The following NRXN3 variants were observed in gnomAD, a reference collection of about 807,000 sequenced individuals.
The protein encoded by NRXN3 is neurexin III.
Under a neutral mutation model 137.6 loss-of-function variants are expected in NRXN3, and 32 were observed. The observed-to-expected ratio is 0.23, with a 90% CI of 0.18 to 0.31. The LOEUF is 0.31. Ranked by LOEUF, NRXN3 falls within the 10% of genes least tolerant of loss-of-function variation. The pLI is 1.00. For synonymous variants in NRXN3, 798 were observed against 784.5 expected (o/e 1.02, Z -0.29); for missense variants, 1,574 against 2,062.5 (o/e 0.76, Z 4.59).
chr14:79,511,810 T>TA (rs2096935143), intron 16 of NRXN3, among the ~76,000 whole-genome samples: 1 of 152,216 alleles, frequency 6.6e-6, no homozygotes, highest in South Asian at 2.1e-4. Flanking sequence ...AAATAAGTGT[T>TA]AAAAAACATT....
At chr14:78,239,096 A>G (rs2153449678) in intron 1 of NRXN3, among the ~76,000 whole-genome samples, 1 of 152,348 alleles carries the variant, frequency 6.6e-6, no homozygotes, top group South Asian at 2.1e-4. Flanking sequence ...ACAGAAGTCA[A>G]ATAATCCACA....
intron 1 of NRXN3, among the ~76,000 whole-genome samples, chr14:78,179,263 C>G (rs1406362379): frequency 6.6e-6 from 1 of 151,932 alleles, no homozygotes; most frequent in Non-Finnish European, 1.5e-5. Context: ...TGAGCGGGAT[C>G]CCCCAGGCTG....
chr14:79,204,929 C>T (rs972991570), intron 15 of NRXN3, among the ~76,000 whole-genome samples: 1 of 152,150 alleles, frequency 6.6e-6, no homozygotes, highest in African/African-American at 2.4e-5. Flanking sequence ...TGGTTGCTTC[C>T]TTCTGGCAAT....
chr14:78,956,303 G>A (rs969263910), intron 10 of NRXN3, among the ~76,000 whole-genome samples: 3 of 152,056 alleles, frequency 2.0e-5, no homozygotes, highest in Non-Finnish European at 4.4e-5. Flanking sequence ...GATCAATAAC[G>A]ATATACATCC....
At chr14:79,109,918 G>C (rs1225786080) in intron 15 of NRXN3, among the ~76,000 whole-genome samples, 1 of 151,816 alleles carries the variant, frequency 6.6e-6, no homozygotes, top group African/African-American at 2.4e-5. Context: ...TAATAATAAG[G>C]TATAAAAAGT....
intron 16 of NRXN3, among the ~76,000 whole-genome samples, chr14:79,470,919 T>TGTGTGTGA (rs1555467278): frequency 1.5e-5 from 2 of 131,410 alleles, no homozygotes; most frequent in African/African-American, 6.6e-5. Flanking sequence ...TGTGTGTGTG[T>TGTGTGTGA]GAGAGAGAGA....
chr14:79,796,494 T>C (rs1396769732), intron 19 of NRXN3, among the ~76,000 whole-genome samples: 1 of 152,052 alleles, frequency 6.6e-6, no homozygotes, highest in Non-Finnish European at 1.5e-5. Flanking sequence ...CTTCCCTTTT[T>C]GAGCAAATAG....
intron 19 of NRXN3, among the ~76,000 whole-genome samples, chr14:79,703,992 C>T (rs776640179): frequency 6.6e-6 from 1 of 152,022 alleles, no homozygotes; most frequent in Non-Finnish European, 1.5e-5. Context: ...TTTGTTTATA[C>T]TCATACAAAC....
intron 15 of NRXN3, among the ~76,000 whole-genome samples, chr14:79,235,255 C>G (rs758027816): frequency 1.3e-4 from 20 of 152,074 alleles, no homozygotes; most frequent in Non-Finnish European, 2.6e-4. Context: ...AACATAAAAA[C>G]TATGTGACAG....
At chr14:78,734,852 A>G (rs1249940286) in intron 8 of NRXN3, among the ~76,000 whole-genome samples, 2 of 152,190 alleles carry the variant, frequency 1.3e-5, no homozygotes, top group Non-Finnish European at 2.9e-5. Flanking sequence ...GAGAGGGAAG[A>G]GGAGACAGGG....
chr14:79,084,849 C>T (rs1445547943), intron 15 of NRXN3, among the ~76,000 whole-genome samples: 1 of 152,102 alleles, frequency 6.6e-6, no homozygotes, highest in East Asian at 1.9e-4. Flanking sequence ...CCCCTTGTGG[C>T]ATTTTCTACT....
At chr14:79,528,508 T>C (rs1313220952) in intron 16 of NRXN3, among the ~76,000 whole-genome samples, 2 of 152,172 alleles carry the variant, frequency 1.3e-5, no homozygotes, top group African/African-American at 4.8e-5. Flanking sequence ...TGTGAGTATG[T>C]TTGCATCAAA....
chr14:78,334,118 A>T (rs2081173751), intron 4 of NRXN3, among the ~76,000 whole-genome samples: 1 of 152,154 alleles, frequency 6.6e-6, no homozygotes, highest in Non-Finnish European at 1.5e-5. Context: ...CTGGAGGAGG[A>T]GACAATTTAC....
chr14:78,623,947 G>A (rs995100607), intron 4 of NRXN3, among the ~76,000 whole-genome samples: 1 of 152,158 alleles, frequency 6.6e-6, no homozygotes, highest in African/African-American at 2.4e-5. Context: ...TTCTATAGTA[G>A]CACTACCCCT....
chr14:78,561,069 TTTAACAC>T, intron 4 of NRXN3, among the ~76,000 whole-genome samples: 1 of 152,186 alleles, frequency 6.6e-6, no homozygotes, highest in Non-Finnish European at 1.5e-5. Context: ...ATATTACATG[TTTAACAC>T]TGGGTAACAG....
chr14:79,617,709 G>T (rs1413841103), intron 16 of NRXN3, among the ~76,000 whole-genome samples: 1 of 152,026 alleles, frequency 6.6e-6, no homozygotes, highest in African/African-American at 2.4e-5. Context: ...TTGCGAAAGG[G>T]ATGTAGAAAG....
intron 19 of NRXN3, among the ~76,000 whole-genome samples, chr14:79,799,896 T>C (rs1309460753): frequency 1.3e-5 from 2 of 152,216 alleles, no homozygotes; most frequent in African/African-American, 4.8e-5. Context: ...GTCTTATCTA[T>C]AGCTTTATCC....
chr14:78,884,398 CTTTG>C (rs1396714269), intron 10 of NRXN3, among the ~76,000 whole-genome samples: 2 of 152,146 alleles, frequency 1.3e-5, no homozygotes, highest in East Asian at 1.9e-4. Context: ...GATCTATGAA[CTTTG>C]TTTGCACTCC....
chr14:79,860,374 A>T (rs2099411738), intron 20 of NRXN3, among the ~76,000 whole-genome samples: 3 of 152,242 alleles, frequency 2.0e-5, no homozygotes, highest in Non-Finnish European at 4.4e-5. Context: ...GCTGTCATTT[A>T]ATAGTCAGGG....
Sources: gnomAD v4.1 joint callset for allele counts (sites outside exome capture counted in the v4.1 genomes callset) on GRCh38, gnomAD v4.1.1 for gene constraint, MANE v1.5 for transcripts, NCBI Gene and HGNC (gene_info 2026-07-23, HGNC 2026-07-21) for gene names.